Variants in BCL9 observed in about 807,000 individuals in gnomAD.
BCL9 encodes B-cell CLL/lymphoma 9 protein.
In BCL9, 25 loss-of-function variants were observed where a neutral mutation model predicts 88.5. The observed-to-expected ratio is 0.28, with a 90% CI of 0.21 to 0.39. The LOEUF is 0.39. Ranked by LOEUF, BCL9 falls within the 10% of genes least tolerant of loss-of-function variation. The pLI is 1.00. For missense variants in BCL9, 1,817 were observed against 1,877.8 expected, an observed-to-expected ratio of 0.97 and a Z score of 0.60; for synonymous variants, 711 against 673.3, an observed-to-expected ratio of 1.06 and a Z score of -0.87.
chr1:147,574,065 A>G (rs587753636), intron 1 of BCL9, among the ~76,000 whole-genome samples: 1 of 152,312 alleles, frequency 6.6e-6, no homozygotes. Flanking sequence ...CAGAATCACT[A>G]TATGACATTG....
intron 1 of BCL9, among the ~76,000 whole-genome samples, chr1:147,542,769 A>AT (rs1654393045): frequency 6.6e-6 from 1 of 151,902 alleles, no homozygotes; most frequent in Non-Finnish European, 1.5e-5. Flanking sequence ...CCTTGTACGT[A>AT]TTTTTGTTTT....
intron 1 of BCL9, among the ~76,000 whole-genome samples, chr1:147,555,359 A>C (rs1484180584): frequency 1.3e-5 from 2 of 152,192 alleles, no homozygotes; most frequent in African/African-American, 4.8e-5. Context: ...CTCAGGACTC[A>C]CCTGCCCCCA....
At chr1:147,577,870 G>GTGTGTGTGTT (rs1318682168) in intron 1 of BCL9, among the ~76,000 whole-genome samples, 28 of 150,956 alleles carry the variant, frequency 1.9e-4, no homozygotes, top group Non-Finnish European at 3.3e-4. Flanking sequence ...GTGTGTGTGT[G>GTGTGTGTGTT]TATAAATGTC....
At chr1:147,615,761 A>G in intron 6 of BCL9, 42 bp from the exon 7 acceptor site, 4 of 1,525,286 alleles carry the variant, frequency 2.6e-6, no homozygotes, top group Non-Finnish European at 2.7e-6. Context: ...TTAGTGAAAT[A>G]GAAACAAGTT....
At chr1:147,608,529 A>G (rs376700275) in intron 3 of BCL9, among the ~76,000 whole-genome samples, 49 of 152,126 alleles carry the variant, frequency 3.2e-4, no homozygotes, top group African/African-American at 1.1e-3. Context: ...GTAATAGAAA[A>G]GAAAGAGGAG....
At chr1:147,572,284 G>A (rs1479817841) in intron 1 of BCL9, among the ~76,000 whole-genome samples, 2 of 152,026 alleles carry the variant, frequency 1.3e-5, no homozygotes, top group African/African-American at 4.8e-5. Flanking sequence ...AAAAACAAAC[G>A]TAAAAGAGAT....
rs782217395 is a variant in BCL9, at chr1:147,619,480, C to T, written c.1325C>T (p.Pro442Leu). 13 of 1,613,982 alleles carry T rather than the reference C, an allele frequency of 8.1e-6. No individual in the cohort carries two copies. The highest frequency in any genetic ancestry group is 1.1e-5 in the Non-Finnish European group (13 of 1,180,044). The change falls in exon 8 of 10, where the codon CCA (proline) becomes CTA (leucine). Residue 442 changes from proline (P) to leucine (L), a missense_variant. By Grantham distance (98) the Pro-to-Leu change is moderately conservative (BLOSUM62 -3). Around this residue, in one of 2 missense-constraint regions of BCL9, gnomAD observed 1,228 missense variants for 1,191.6 expected, o/e 1.03. Coordinates refer to ENST00000234739, the MANE Select transcript of BCL9 (RefSeq NM_004326.4). This position sits in a 1 kb window ranked among gnomAD's most constrained non-coding sequence, Gnocchi z 4.1. ...GGACATAGAGATGTACCCTTTTCTCCAGATGAAATGGTTCCACCTTCTATG... is the reference window on the plus strand; with the variant it reads ...GGACATAGAGATGTACCCTTTTCTCTAGATGAAATGGTTCCACCTTCTATG... ...PQGHRDVPFSPDEMVPPSMNS... is the reference protein window; with the variant it reads ...PQGHRDVPFSLDEMVPPSMNS...
intron 1 of BCL9, among the ~76,000 whole-genome samples, chr1:147,592,647 G>T (rs1458999585): frequency 6.6e-6 from 1 of 152,074 alleles, no homozygotes; most frequent in Non-Finnish European, 1.5e-5. Context: ...AAGTGATGTT[G>T]GGTGTGAGAA....
chr1:147,608,740 T>C (rs1432600058), intron 3 of BCL9, among the ~76,000 whole-genome samples: 1 of 152,162 alleles, frequency 6.6e-6, no homozygotes, highest in Non-Finnish European at 1.5e-5. Context: ...GAGAGTGTAG[T>C]AGTCATAGTA....
intron 1 of BCL9, among the ~76,000 whole-genome samples, chr1:147,598,864 C>T (rs782422166): frequency 1.5e-4 from 23 of 152,324 alleles, no homozygotes; most frequent in Admixed American, 5.2e-4. Context: ...TTGTTCACCG[C>T]AGCAACCGGG....
intron 1 of BCL9, among the ~76,000 whole-genome samples, chr1:147,587,759 T>C (rs1231123175): frequency 1.5e-5 from 1 of 68,438 alleles, no homozygotes; most frequent in Non-Finnish European, 2.2e-5. Flanking sequence ...GTGAGGCCTG[T>C]GTGTGTGTGT....
At chr1:147,586,628 A>T (rs1553199253) in intron 1 of BCL9, among the ~76,000 whole-genome samples, 1 of 152,128 alleles carries the variant, frequency 6.6e-6, no homozygotes, top group Non-Finnish European at 1.5e-5. Context: ...CGCCCTTAAT[A>T]GGCCTCCATG....
intron 1 of BCL9, among the ~76,000 whole-genome samples, chr1:147,568,638 G>T (rs781907966): frequency 1.3e-5 from 2 of 151,976 alleles, no homozygotes. Flanking sequence ...GATTCAAGAG[G>T]ACTATTAACA....
intron 1 of BCL9, among the ~76,000 whole-genome samples, chr1:147,547,781 G>A (rs1169372726): frequency 1.3e-5 from 2 of 152,166 alleles, no homozygotes; most frequent in African/African-American, 4.8e-5. Context: ...AAGTGGACAT[G>A]CCAGTAAGAC....
intron 1 of BCL9, among the ~76,000 whole-genome samples, chr1:147,577,337 A>G (rs1656154562): frequency 1.3e-5 from 2 of 152,166 alleles, no homozygotes; most frequent in Admixed American, 1.3e-4. Flanking sequence ...TGCTTATCAA[A>G]GACTTGCCTA....
intron 1 of BCL9, among the ~76,000 whole-genome samples, chr1:147,583,984 A>C (rs947386366): frequency 6.6e-6 from 1 of 152,064 alleles, no homozygotes; most frequent in African/African-American, 2.4e-5. Flanking sequence ...TATTTTAAGA[A>C]TATCTTTCCC....
At position 147,623,763 on chromosome 1, in the gene BCL9, GT is replaced by G. The variant is rs1380656083; in HGVS notation, c.3164-72del. ...TACTATGCACATTGGATGCACAATA[GT>G]TTTTTTGTTAATTTATTATAGTTTT... On this transcript the variant is annotated intron_variant, in intron 9 of 9. Transcript: ENST00000234739. The G allele has an allele frequency of 6.8e-6, 10 of 1,471,152 alleles. No homozygotes were observed. The Admixed American group carries it at 2.0e-4, about 30-fold the overall frequency. The allele number at this position is 1,471,152 out of a possible 1,614,324, so 91.1% of individuals were successfully genotyped here. A position where few individuals can be genotyped will look rare whatever the true frequency, so the allele number is the denominator to read the frequency against.
At chr1:147,589,523 C>T (rs1656761397) in intron 1 of BCL9, among the ~76,000 whole-genome samples, 1 of 152,182 alleles carries the variant, frequency 6.6e-6, no homozygotes, top group South Asian at 2.1e-4. Flanking sequence ...AATCTGCTTT[C>T]TGTCTCTATA....
Position 147,611,778 on chromosome 1 carries a change from C to T in BCL9, c.-59C>T, listed in dbSNP as rs950776984. ...CCCCCAGCAGCTGTTTCTGCTGCAA[C>T]CCGAGAGGAACTCGGTGAGCCTGTC... On this transcript the variant is annotated 5_prime_UTR_variant, in exon 4 of 10. Coordinates refer to ENST00000234739, the MANE Select transcript of BCL9 (RefSeq NM_004326.4). The T allele has an allele frequency of 6.4e-7, 1 of 1,561,268 alleles. No individual in the cohort carries two copies. Among genetic ancestry groups the T allele is most frequent in the Non-Finnish European group, 8.8e-7 (1 of 1,132,330 alleles).
Sources: allele counts gnomAD v4.1 joint callset (sites outside exome capture counted in the v4.1 genomes callset), GRCh38; gene constraint gnomAD v4.1.1; regional missense constraint gnomAD v4.1.1; non-coding constraint Gnocchi (gnomAD v3.1); transcripts MANE v1.5; gene names NCBI Gene and HGNC (gene_info 2026-07-23, HGNC 2026-07-21).